The following MPHOSPH6 variants were observed in gnomAD, a reference collection of about 807,000 sequenced individuals.
MPHOSPH6 encodes M-phase phosphoprotein 6.
A neutral mutation model predicts 21.8 loss-of-function variants in MPHOSPH6; 25 were observed. The observed-to-expected ratio is 1.15, with a 90% CI of 0.83 to 1.60. The LOEUF (loss-of-function observed/expected upper bound fraction) is 1.60, where lower values mean the gene tolerates loss of function less well. Among genes scored for constraint, MPHOSPH6 ranks in the 40% most tolerant of loss-of-function variants. The pLI is 0.00. For missense variants in MPHOSPH6, 269 were observed against 181.8 expected (o/e 1.48, Z -2.76); for synonymous variants, 84 against 56.5 (o/e 1.49, Z -2.18).
intron 3 of MPHOSPH6, among the ~76,000 whole-genome samples, chr16:82,150,156 G>T (rs1906218608): frequency 6.6e-6 from 1 of 151,972 alleles, no homozygotes; most frequent in Non-Finnish European, 1.5e-5. Context: ...TGTATTCAGT[G>T]TTTCAGAATC....
intron 2 of MPHOSPH6, among the ~76,000 whole-genome samples, chr16:82,158,314 C>T (rs1906494865): frequency 1.3e-5 from 2 of 149,970 alleles, no homozygotes; most frequent in Admixed American, 6.6e-5. Flanking sequence ...CGATGAAACC[C>T]TGTCTCTACT....
rs776764286 is a variant in MPHOSPH6 at position 82,149,303 on chromosome 16, G to A, written c.350+6C>T. 10 of 1,612,508 alleles carry A rather than the reference G, an allele frequency of 6.2e-6. No individual in the cohort carries two copies. The East Asian group carries it at 1.1e-4, about 18-fold the overall frequency. ...AGATTAGAAGGCTGCTGCGCAGCACGGTTACCTTCTAGCCATCTCTTCATC... is the reference window on the plus strand; with the variant it reads ...AGATTAGAAGGCTGCTGCGCAGCACAGTTACCTTCTAGCCATCTCTTCATC... On this transcript the variant is annotated splice_donor_region_variant and intron_variant, in intron 4 of 4. Transcript: ENST00000258169.
chr16:82,149,235 G>T (rs1457407537), intron 4 of MPHOSPH6, 74 bp downstream of exon 4: 2 of 1,447,544 alleles, frequency 1.4e-6, no homozygotes, highest in East Asian at 2.3e-5. Flanking sequence ...TGCACTGTGG[G>T]GTAAGAGGAG....
At chr16:82,159,843 T>C (rs1294980177) in intron 2 of MPHOSPH6, among the ~76,000 whole-genome samples, 17 of 152,212 alleles carry the variant, frequency 1.1e-4, no homozygotes, top group Admixed American at 1.1e-3. Context: ...CGCCTCTCCC[T>C]GAGGGAATCT....
chr16:82,169,637 G>C (rs1258554353), intron 1 of MPHOSPH6, among the ~76,000 whole-genome samples: 1 of 152,140 alleles, frequency 6.6e-6, no homozygotes, highest in Non-Finnish European at 1.5e-5. Context: ...TCTACTAAAA[G>C]AAGTATTATC....
intron 1 of MPHOSPH6, among the ~76,000 whole-genome samples, chr16:82,166,502 T>C (rs1323708292): frequency 6.6e-6 from 1 of 152,214 alleles, no homozygotes; most frequent in African/African-American, 2.4e-5. Flanking sequence ...AAGCACATTC[T>C]CAAGACAGCC....
intron 2 of MPHOSPH6, among the ~76,000 whole-genome samples, chr16:82,159,499 G>A (rs1906538979): frequency 6.6e-6 from 1 of 152,106 alleles, no homozygotes. Context: ...CCGCCTCCTG[G>A]ATTCCAGTGA....
At chr16:82,158,676 T>G (rs934973355) in intron 2 of MPHOSPH6, among the ~76,000 whole-genome samples, 1 of 152,146 alleles carries the variant, frequency 6.6e-6, no homozygotes, top group African/African-American at 2.4e-5. Context: ...AAAGTGAACC[T>G]GACACTTCAA....
At position 82,164,136 on chromosome 16, in the gene MPHOSPH6, T is replaced by G; in HGVS notation, c.110A>C (p.Lys37Thr). The change falls in exon 2 of 5, where the codon AAA (lysine) becomes ACA (threonine). Residue 37 changes from lysine to threonine, a missense_variant. Coordinates refer to ENST00000258169, the MANE Select transcript of MPHOSPH6 (RefSeq NM_005792.2). ...GTACCAGTGCTCTTCACTAATGATT[T>G]TCTTTTCTTCTTCTTCTAGTTGTTT... ...TKKQLEEEEKKIISEEHWYLD... is the reference protein window; with the variant it reads ...TKKQLEEEEKTIISEEHWYLD... 1 of 1,612,776 alleles carries G rather than the reference T, an allele frequency of 6.2e-7. No individual in the cohort carries two copies. The highest frequency in any genetic ancestry group is 8.5e-7 in the Non-Finnish European group (1 of 1,179,984).
intron 2 of MPHOSPH6, among the ~76,000 whole-genome samples, chr16:82,163,301 G>A (rs1906663391): frequency 6.6e-6 from 1 of 152,226 alleles, no homozygotes; most frequent in South Asian, 2.1e-4. Context: ...GCTTACTAAG[G>A]TGAGGAAAGT....
intron 3 of MPHOSPH6, among the ~76,000 whole-genome samples, chr16:82,149,753 C>T (rs1041428695): frequency 1.3e-5 from 2 of 152,084 alleles, no homozygotes; most frequent in South Asian, 2.1e-4. Context: ...CCCTGAACTT[C>T]CCCCACCCAT....
chr16:82,152,961 C>T (rs1906313712), intron 2 of MPHOSPH6, among the ~76,000 whole-genome samples: 1 of 152,184 alleles, frequency 6.6e-6, no homozygotes, highest in African/African-American at 2.4e-5. Context: ...GCGGAAACAG[C>T]CACCAGTAAA....
chr16:82,164,220 C>G lies in MPHOSPH6; in HGVS notation c.52-26G>C, dbSNP rs747693712. On this transcript the variant is annotated intron_variant, in intron 1 of 4. Transcript: ENST00000258169. Reference sequence around the variant, plus strand: ...CTGTGAAAACAAACAAAATCAATGTCAGAAACTTTTCCCATTTTAGAACTG... The same window carrying G: ...CTGTGAAAACAAACAAAATCAATGTGAGAAACTTTTCCCATTTTAGAACTG... The G allele has an allele frequency of 4.0e-6, 6 of 1,497,620 alleles. No individual in the cohort carries two copies. In the East Asian group the frequency reaches 1.4e-4, roughly 34 times the overall value. 92.8% of individuals were successfully genotyped at this position (1,497,620 alleles called of 1,614,324 possible). A position where few individuals can be genotyped will look rare whatever the true frequency, so the allele number is the denominator to read the frequency against.
Position 82,151,520 on chromosome 16 carries a change from T to C in MPHOSPH6, c.165-6A>G, listed in dbSNP as rs748329574. The C allele has an allele frequency of 8.3e-6, 13 of 1,568,810 alleles. No individual in the cohort carries two copies. Among genetic ancestry groups the C allele is most frequent in the Non-Finnish European group, 1.0e-5 (12 of 1,162,318 alleles). On this transcript the variant is annotated splice_polypyrimidine_tract_variant and splice_region_variant and intron_variant, in intron 2 of 4. Coordinates refer to ENST00000258169, the MANE Select transcript of MPHOSPH6 (RefSeq NM_005792.2). ...GCTCTTCTATTATGAAACTCCTAAA[T>C]GGGAAAATAAAAATAGCATTTCTCC...
chr16:82,150,928 G>A (rs1403039642), intron 3 of MPHOSPH6, among the ~76,000 whole-genome samples: 1 of 152,224 alleles, frequency 6.6e-6, no homozygotes, highest in East Asian at 1.9e-4. Flanking sequence ...CCTGGAGCAG[G>A]AAAATTCAAA....
At position 82,166,229 on chromosome 16, in the gene MPHOSPH6, AAAGT is replaced by A. The variant is rs147762574; in HGVS notation, c.52-2039_52-2036del. Among the ~76,000 whole-genome samples, 53 of 152,318 alleles carry A rather than the reference AAAGT, an allele frequency of 3.5e-4. No individual in the cohort carries two copies. In the East Asian group the frequency reaches 6.4e-3, roughly 18 times the overall value. ...GTGAATCTATCACTATTTTAAGTAA[AAAGT>A]AAAAGAAAACAAGTTTGCAGACTAG... is the stretch of plus-strand genomic sequence containing the variant. On this transcript the variant is annotated intron_variant, in intron 1 of 4. Coordinates refer to ENST00000258169, the MANE Select transcript of MPHOSPH6 (RefSeq NM_005792.2).
rs750589406 is a variant in MPHOSPH6, at chr16:82,148,751, A to G, written c.463T>C (p.Phe155Leu). The G allele has an allele frequency of 6.2e-7, 1 of 1,614,140 alleles. No individual in the cohort carries two copies. Among genetic ancestry groups the G allele is most frequent in the Non-Finnish European group, 8.5e-7 (1 of 1,180,024 alleles). Residue 155 changes from phenylalanine to leucine, a missense_variant, in exon 5 of 5, where the codon TTC becomes CTC. Physicochemically the swap from Phe to Leu is conservative, Grantham distance 22 (BLOSUM62 0). Coordinates refer to ENST00000258169, the MANE Select transcript of MPHOSPH6 (RefSeq NM_005792.2). ...CCATCTTAATCCTGGGGCTTTAAGA[A>G]CATCTTCTTTGCTTTAATTGGTGTT... ...DITPIKAKKM[F>L]LKPQD is the part of the protein sequence containing the mutation.
At position 82,154,558 on chromosome 16, in the gene MPHOSPH6, C is replaced by T. The variant is rs368034793; in HGVS notation, c.165-3044G>A. Among the ~76,000 whole-genome samples the T allele has an allele frequency of 5.4e-4, 82 of 151,396 alleles. 2 individuals carry two copies. In the South Asian group the frequency reaches 0.014, roughly 27 times the overall value. On this transcript the variant is annotated intron_variant, in intron 2 of 4. Coordinates refer to ENST00000258169, the MANE Select transcript of MPHOSPH6 (RefSeq NM_005792.2). ...CTGTAAATTTATTCAAGGATTTAAA[C>T]GAAAACATGCATGCAATGAAGAAAG...
In MPHOSPH6 at chr16:82,151,254, G is replaced by C; in HGVS notation, c.255+170C>G. The stretch of plus-strand genomic sequence containing the variant: ...TCTACTCACCTCTACCATAAAACTA[G>C]ACTGCAATGCCTCCAATTTCTTTAA... On this transcript the variant is annotated intron_variant, in intron 3 of 4. Coordinates refer to ENST00000258169, the MANE Select transcript of MPHOSPH6 (RefSeq NM_005792.2). The C allele has an allele frequency of 4.5e-6, 4 of 895,878 alleles. No individual in the cohort carries two copies. In the South Asian group the frequency reaches 6.6e-5, roughly 15 times the overall value. 55.5% of individuals were successfully genotyped at this position (895,878 alleles called of 1,614,324 possible). A position where few individuals can be genotyped will look rare whatever the true frequency, so the allele number is the denominator to read the frequency against.
Sources: gnomAD v4.1 joint callset for allele counts (sites outside exome capture counted in the v4.1 genomes callset) on GRCh38, gnomAD v4.1.1 for gene constraint, MANE v1.5 for transcripts, NCBI Gene and HGNC (gene_info 2026-07-23, HGNC 2026-07-21) for gene names.